The following SLC9A3 variants were observed in gnomAD, a reference collection of about 807,000 sequenced individuals.
SLC9A3 encodes solute carrier family 9 member A3.
SLC9A3 carries 37 observed loss-of-function variants against 86.8 expected under a neutral mutation model. That is an observed-to-expected ratio of 0.43 (90% CI 0.33 to 0.56). SLC9A3 has a LOEUF of 0.56. Ranked by LOEUF, SLC9A3 falls within the 20% of genes least tolerant of loss-of-function variation. The pLI, the probability that SLC9A3 is intolerant of heterozygous loss-of-function variation, is 0.06. For missense variants in SLC9A3, 1,011 were observed against 1,171.9 expected, an observed-to-expected ratio of 0.86 and a Z score of 2.00; for synonymous variants, 581 against 528.3, an observed-to-expected ratio of 1.10 and a Z score of -1.37.
rs1738390080 is a variant in SLC9A3 at position 472,093 on chromosome 5, G to A, written c.*1286C>T. ...GGTTTCAGGTGGGTTGGACCCTGTG[G>A]GACTTGCCGTCTGAGGGATGGATGG... On this transcript the variant is annotated 3_prime_UTR_variant, in exon 17 of 17. Transcript: ENST00000264938. The A allele has an allele frequency of 2.3e-6, 1 of 428,222 alleles. No homozygotes were observed. The allele number at this position is 428,222 out of a possible 1,614,324, so 26.5% of individuals were successfully genotyped here. A position where few individuals can be genotyped will look rare whatever the true frequency, so the allele number is the denominator to read the frequency against.
intron 16 of SLC9A3, 113 bp from the exon 17 acceptor site, chr5:473,495 C>T: frequency 2.2e-6 from 2 of 916,916 alleles, no homozygotes; most frequent in South Asian, 4.5e-5. Flanking sequence ...TCCCCTCCCG[C>T]GGCGCACCCC....
intron 6 of SLC9A3, 61 bp from the exon 7 acceptor site, chr5:482,811 C>A: frequency 7.3e-7 from 1 of 1,370,594 alleles, no homozygotes; most frequent in Admixed American, 2.0e-5. Flanking sequence ...GGGACCCCAG[C>A]CCCTCCGGGA....
At chr5:519,385 G>A (rs1284799060) in intron 1 of SLC9A3, among the ~76,000 whole-genome samples, 2 of 152,202 alleles carry the variant, frequency 1.3e-5, no homozygotes, top group African/African-American at 4.8e-5. Context: ...GGTAGGTGCT[G>A]TGCGCATTGA....
intron 2 of SLC9A3, among the ~76,000 whole-genome samples, chr5:490,896 G>A (rs72702705): frequency 1.7e-4 from 26 of 152,256 alleles, no homozygotes; most frequent in South Asian, 4.1e-4. Flanking sequence ...GTGAGAAGGC[G>A]CCAAGGAACC....
intron 1 of SLC9A3, among the ~76,000 whole-genome samples, chr5:500,171 C>T (rs928951602): frequency 4.9e-4 from 74 of 152,386 alleles, no homozygotes; most frequent in African/African-American, 1.5e-3. Flanking sequence ...GAATAGAACT[C>T]GCCCCATGGC....
At chr5:502,485 T>TC (rs910977559) in intron 1 of SLC9A3, among the ~76,000 whole-genome samples, 1 of 151,938 alleles carries the variant, frequency 6.6e-6, no homozygotes, top group African/African-American at 2.4e-5. Context: ...CGGAGCACAG[T>TC]CCCCGGCAAG....
At chr5:506,490 G>A (rs938862428) in intron 1 of SLC9A3, among the ~76,000 whole-genome samples, 1 of 152,188 alleles carries the variant, frequency 6.6e-6, no homozygotes, top group African/African-American at 2.4e-5. Flanking sequence ...TGTCCTGTGG[G>A]GCCACCCTGC....
intron 9 of SLC9A3, 144 bp downstream of exon 9, chr5:481,421 G>T: frequency 1.3e-6 from 1 of 746,088 alleles, no homozygotes; most frequent in South Asian, 1.6e-5. Context: ...GGCACACCTG[G>T]CACCTGGCCT....
chr5:489,318 C>G (rs1212937965), intron 2 of SLC9A3, among the ~76,000 whole-genome samples: 1 of 152,114 alleles, frequency 6.6e-6, no homozygotes. Context: ...GGAGAGACCA[C>G]CCAGGGAGGG....
chr5:490,396 C>A (rs1308301853), intron 2 of SLC9A3, among the ~76,000 whole-genome samples: 1 of 151,978 alleles, frequency 6.6e-6, no homozygotes, highest in Non-Finnish European at 1.5e-5. Flanking sequence ...TCCAGGGCTT[C>A]ATGGTGCAGG....
chr5:515,629 G>A (rs1279697433), intron 1 of SLC9A3, among the ~76,000 whole-genome samples: 1 of 151,638 alleles, frequency 6.6e-6, no homozygotes, highest in Admixed American at 6.6e-5. Flanking sequence ...CCTCCACAGG[G>A]TCCCCTGCTC....
chr5:482,454 G>A, intron 7 of SLC9A3, 94 bp downstream of exon 7: 1 of 1,068,978 alleles, frequency 9.4e-7, no homozygotes, highest in Non-Finnish European at 1.4e-6. Context: ...CCCAATTAGG[G>A]TCTGGAGCCT....
At position 482,610 on chromosome 5, in the gene SLC9A3, T is replaced by C; in HGVS notation, c.1294A>G (p.Lys432Glu). The C allele has an allele frequency of 6.2e-7, 1 of 1,612,866 alleles. No individual in the cohort carries two copies. Among genetic ancestry groups the C allele is most frequent in the East Asian group, 2.2e-5 (1 of 44,852 alleles). ...LVVLLDGDKV[K>E]EKNLFVSTTI... ...GTGCTGACGAACAGGTTCTTCTCCT[T>C]GACCTTGTCTCCATCCAGAAGCACC... The change falls in exon 7 of 17, where the codon AAG (lysine) becomes GAG (glutamate). Residue 432 changes from lysine to glutamate, a missense_variant. Physicochemically the swap from Lys to Glu is moderately conservative, Grantham distance 56. Transcript: ENST00000264938.
chr5:518,402 T>C (rs1421881035), intron 1 of SLC9A3, among the ~76,000 whole-genome samples: 3 of 150,832 alleles, frequency 2.0e-5, no homozygotes, highest in African/African-American at 7.3e-5. Flanking sequence ...GCCTGGCACT[T>C]GGAGATCTGG....
At chr5:516,909 G>T (rs1417516841) in intron 1 of SLC9A3, among the ~76,000 whole-genome samples, 1 of 152,222 alleles carries the variant, frequency 6.6e-6, no homozygotes, top group Non-Finnish European at 1.5e-5. Context: ...ATTCAGCCGA[G>T]GAGCTGAGAC....
Position 475,049 on chromosome 5 carries a change from C to T in SLC9A3, c.2335G>A (p.Glu779Lys), listed in dbSNP as rs767431528. The part of the protein sequence containing the change: ...ARLPPWLSPG[E>K]TVVPSQRART... ...GCCCTCTGCGAGGGGACCACCGTCT[C>T]CCCGGGAGACAGCCAGGGCGGCAGC... Residue 779 changes from glutamate (E) to lysine (K), a missense_variant, in exon 16 of 17, where the codon GAG (glutamate) becomes AAG (lysine). This residue lies in a region of SLC9A3 where 397 missense variants were observed against 346.3 expected (regional missense o/e 1.15). Transcript: ENST00000264938. 1 of 1,612,260 alleles carries T rather than the reference C, an allele frequency of 6.2e-7. No individual in the cohort carries two copies. The highest frequency in any genetic ancestry group is 8.5e-7 in the Non-Finnish European group (1 of 1,179,738).
Position 473,260 on chromosome 5 carries a change from G to T in SLC9A3, c.*119C>A, listed in dbSNP as rs574423071. ...GCTGGCGTGGGCGAGGCGGGGCTCG[G>T]GGCTCGCGGTCGCTGTAGCCGCGCG... On this transcript the variant is annotated 3_prime_UTR_variant, in exon 17 of 17. Transcript: ENST00000264938. The T allele has an allele frequency of 1.3e-5, 15 of 1,116,308 alleles. No individual in the cohort carries two copies. The highest frequency in any genetic ancestry group is 1.6e-5 in the Non-Finnish European group (14 of 876,682). The allele number at this position is 1,116,308 out of a possible 1,614,324, so 69.2% of individuals were successfully genotyped here. A position where few individuals can be genotyped will look rare whatever the true frequency, so the allele number is the denominator to read the frequency against.
chr5:494,122 A>T (rs1489818813), intron 1 of SLC9A3, among the ~76,000 whole-genome samples: 1 of 152,186 alleles, frequency 6.6e-6, no homozygotes, highest in East Asian at 1.9e-4. Flanking sequence ...CTCTCTCCCC[A>T]CAGCTCTCCC....
intron 1 of SLC9A3, among the ~76,000 whole-genome samples, chr5:507,127 T>TAA: frequency 7.4e-6 from 1 of 135,480 alleles, no homozygotes; most frequent in South Asian, 2.3e-4. Flanking sequence ...TAAATAAAGT[T>TAA]ATTGGGTCAG....
Sources: gnomAD v4.1 joint callset for allele counts (sites outside exome capture counted in the v4.1 genomes callset) on GRCh38, gnomAD v4.1.1 for gene constraint, gnomAD v4.1.1 regional missense constraint, MANE v1.5 for transcripts, NCBI Gene and HGNC (gene_info 2026-07-23, HGNC 2026-07-21) for gene names.